TEDDM1: variants seen among roughly 807,000 people sequenced by gnomAD.
TEDDM1 encodes the protein epididymal protein 9.
For missense variants in TEDDM1, 344 were observed against 318.9 expected, an observed-to-expected ratio of 1.08 and a Z score of -0.60; for synonymous variants, 126 against 128.0, an observed-to-expected ratio of 0.98 and a Z score of 0.11.
Position 182,399,700 on chromosome 1 carries a change from C to T in TEDDM1, c.786G>A (p.Glu262=), listed in dbSNP as rs1293052190. 1 of 1,614,038 alleles carries T rather than the reference C, an allele frequency of 6.2e-7. No individual in the cohort carries two copies. Among genetic ancestry groups the T allele is most frequent in the Non-Finnish European group, 8.5e-7 (1 of 1,179,978 alleles). The change falls in exon 1 of 1, where the codon GAG becomes GAA. Residue 262 remains glutamate (E), a synonymous_variant. Transcript: ENST00000367565. ...TCTTTGGAAGGAGGAGAGCCTGGTCCTCTTTCTCTGACTGCTCCACTTCCT... is the reference window on the plus strand; with the variant it reads ...TCTTTGGAAGGAGGAGAGCCTGGTCTTCTTTCTCTGACTGCTCCACTTCCT... ...LLQEVEQSEK[E]DQALLLPKSS...
chr1:182,399,758 G>T lies in TEDDM1; in HGVS notation c.728C>A (p.Ala243Glu), dbSNP rs1377810013. 6.2e-7 allele frequency: 1 copy of T among 1,614,104 alleles called. No homozygotes were observed. Among genetic ancestry groups the T allele is most frequent in the Admixed American group, 1.7e-5 (1 of 60,016 alleles). ...CTTGTAGAGGGGTCCTGGAGTGCTTGCATAATATGGAGCTTCTTTGGGCCC... is the reference window on the plus strand; with the variant it reads ...CTTGTAGAGGGGTCCTGGAGTGCTTTCATAATATGGAGCTTCTTTGGGCCC... ...LTGPKEAPYY[A>E]STPGPLYKLL... The change falls in exon 1 of 1, where the codon GCA becomes GAA. Residue 243 changes from alanine (A) to glutamate (E), a missense_variant. Physicochemically the swap from Ala to Glu is moderately radical, Grantham distance 107 (BLOSUM62 -1). Transcript: ENST00000367565.
chr1:182,399,991 C>A lies in TEDDM1; in HGVS notation c.495G>T (p.Leu165=), dbSNP rs776969762. The A allele has an allele frequency of 6.2e-7, 1 of 1,614,160 alleles. No individual in the cohort carries two copies. The change falls in exon 1 of 1, where the codon CTG becomes CTT. Residue 165 remains leucine, a synonymous_variant. Coordinates refer to ENST00000367565, the MANE Select transcript of TEDDM1 (RefSeq NM_172000.4). The stretch of plus-strand genomic sequence containing the variant: ...CCTGCATCAGCCAGGAGCCCATCAT[C>A]AGAATCAGAAAGGTCTCCATCAGCT... ...HLQLMETFLI[L]MMGSWLMQAG... is the part of the protein sequence containing the mutation.
At position 182,399,995 on chromosome 1, in the gene TEDDM1, A is replaced by G. The variant is rs758125552; in HGVS notation, c.491T>C (p.Ile164Thr). The stretch of plus-strand genomic sequence containing the variant: ...CATCAGCCAGGAGCCCATCATCAGA[A>G]TCAGAAAGGTCTCCATCAGCTGGAG... ...CHLQLMETFL[I>T]LMMGSWLMQA... The change falls in exon 1 of 1, where the codon ATT (isoleucine) becomes ACT (threonine). Residue 164 changes from isoleucine (I) to threonine (T), a missense_variant. Transcript: ENST00000367565. 6.2e-7 allele frequency: 1 copy of G among 1,614,168 alleles called. No individual in the cohort carries two copies. Among genetic ancestry groups the G allele is most frequent in the Non-Finnish European group, 8.5e-7 (1 of 1,180,022 alleles).
rs1327639671 is a variant in TEDDM1 at position 182,399,035 on chromosome 1, A to G, written c.*629T>C. 1.3e-5 allele frequency: 2 copies of G among 152,306 alleles called. No individual in the cohort carries two copies. The highest frequency in any genetic ancestry group is 2.9e-5 in the Non-Finnish European group (2 of 68,184). The allele number at this position is 152,306 out of a possible 1,614,324, so 9.4% of individuals were successfully genotyped here. A position where few individuals can be genotyped will look rare whatever the true frequency, so the allele number is the denominator to read the frequency against. On this transcript the variant is annotated 3_prime_UTR_variant, in exon 1 of 1. Transcript: ENST00000367565. ...ACTTTGGTGAGCACGTAAAGTACCCACTTTTCTTTATCAAGATGAGATTTG... is the reference window on the plus strand; with the variant it reads ...ACTTTGGTGAGCACGTAAAGTACCCGCTTTTCTTTATCAAGATGAGATTTG...
chr1:182,399,493 C>T lies in TEDDM1; in HGVS notation c.*171G>A, dbSNP rs892103960. 5 of 596,602 alleles carry T rather than the reference C, an allele frequency of 8.4e-6. No homozygotes were observed. The highest frequency in any genetic ancestry group is 1.5e-5 in the Non-Finnish European group (5 of 343,178). The allele number at this position is 596,602 out of a possible 1,614,324, so 37.0% of individuals were successfully genotyped here. A position where few individuals can be genotyped will look rare whatever the true frequency, so the allele number is the denominator to read the frequency against. On this transcript the variant is annotated 3_prime_UTR_variant, in exon 1 of 1. Coordinates refer to ENST00000367565, the MANE Select transcript of TEDDM1 (RefSeq NM_172000.4). ...GCTGGGCAACAGAGCGAGACTCTGT[C>T]TCAAAAAAAAAAAAAAAGAAAAGAG... is the stretch of plus-strand genomic sequence containing the variant.
Position 182,398,854 on chromosome 1 carries a change from G to T in TEDDM1, c.*810C>A. ...AATTTAAATTATGGAAATTTGAAAT[G>T]TTATTAAGTATTTAAAAAGTCTCAC... On this transcript the variant is annotated 3_prime_UTR_variant, in exon 1 of 1. Coordinates refer to ENST00000367565, the MANE Select transcript of TEDDM1 (RefSeq NM_172000.4). 6.6e-6 allele frequency: 1 copy of T among 152,324 alleles called. No individual in the cohort carries two copies. Among genetic ancestry groups the T allele is most frequent in the South Asian group, 2.1e-4 (1 of 4,826 alleles). 9.4% of individuals were successfully genotyped at this position (152,324 alleles called of 1,614,324 possible). A position where few individuals can be genotyped will look rare whatever the true frequency, so the allele number is the denominator to read the frequency against.
Position 182,399,681 on chromosome 1 carries a change from G to C in TEDDM1, c.805C>G (p.Pro269Ala). The change falls in exon 1 of 1, where the codon CCA (proline) becomes GCA (alanine). Residue 269 changes from proline (P) to alanine (A), a missense_variant. Physicochemically the swap from Pro to Ala is conservative, Grantham distance 27. Coordinates refer to ENST00000367565, the MANE Select transcript of TEDDM1 (RefSeq NM_172000.4). ...GCCCTGTCTCAGGGGGAGCTCTTTG[G>C]AAGGAGGAGAGCCTGGTCCTCTTTC... is the stretch of plus-strand genomic sequence containing the variant. ...SEKEDQALLL[P>A]KSSP 1 of 1,613,760 alleles carries C rather than the reference G, an allele frequency of 6.2e-7. No individual in the cohort carries two copies. The highest frequency in any genetic ancestry group is 1.3e-5 in the African/African-American group (1 of 74,976).
chr1:182,400,161 AGAT>A lies in TEDDM1; in HGVS notation c.322_324del (p.Ile108del). 1 of 1,614,158 alleles carries A rather than the reference AGAT, an allele frequency of 6.2e-7. No homozygotes were observed. The highest frequency in any genetic ancestry group is 8.5e-7 in the Non-Finnish European group (1 of 1,180,018). ...GACACCATCAGCAGCAGGAGCTCGTAGATGATCAGGACCAGGGTACCTTTTTCT... is the reference window on the plus strand; with the variant it reads ...GACACCATCAGCAGCAGGAGCTCGTAGATCAGGACCAGGGTACCTTTTTCT... On this transcript the variant is annotated inframe_deletion, in exon 1 of 1. Transcript: ENST00000367565.
In TEDDM1 at chr1:182,400,284, C is replaced by T. The variant is rs1650664690; in HGVS notation, c.202G>A (p.Glu68Lys). The part of the protein sequence containing the change: ...QVPSRFMYPK[E>K]WQHLTMFILL... Reference sequence around the variant, plus strand: ...ATGAACATGGTGAGGTGCTGCCACTCTTTGGGGTACATGAACCTTGATGGC... The same window carrying T: ...ATGAACATGGTGAGGTGCTGCCACTTTTTGGGGTACATGAACCTTGATGGC... The change falls in exon 1 of 1, where the codon GAG becomes AAG. Residue 68 changes from glutamate (E) to lysine (K), a missense_variant. Coordinates refer to ENST00000367565, the MANE Select transcript of TEDDM1 (RefSeq NM_172000.4). The T allele has an allele frequency of 6.2e-7, 1 of 1,614,112 alleles. No homozygotes were observed. Among genetic ancestry groups the T allele is most frequent in the African/African-American group, 1.3e-5 (1 of 74,938 alleles).
At position 182,400,250 on chromosome 1, in the gene TEDDM1, G is replaced by T; in HGVS notation, c.236C>A (p.Thr79Asn). The change falls in exon 1 of 1, where the codon ACT becomes AAT. Residue 79 changes from threonine to asparagine, a missense_variant. By Grantham distance (65) the Thr-to-Asn change is moderately conservative. Transcript: ENST00000367565. ...CATGAAGTCCACACAGCCATTAAGA[G>T]TGAGGAGGATGAACATGGTGAGGTG... ...WQHLTMFILL[T>N]LNGCVDFMSK... The T allele has an allele frequency of 6.2e-7, 1 of 1,614,198 alleles. No homozygotes were observed. The highest frequency in any genetic ancestry group is 8.5e-7 in the Non-Finnish European group (1 of 1,180,044).
In TEDDM1 at chr1:182,398,758, A is replaced by G. The variant is rs6424853; in HGVS notation, c.*906T>C. Reference sequence around the variant, plus strand: ...AAGTTTGGGCTAGAATAAGAGTAATAAAATGAGAAGTCAGGGAAGTACCAA... The same window carrying G: ...AAGTTTGGGCTAGAATAAGAGTAATGAAATGAGAAGTCAGGGAAGTACCAA... On this transcript the variant is annotated 3_prime_UTR_variant, in exon 1 of 1. Coordinates refer to ENST00000367565, the MANE Select transcript of TEDDM1 (RefSeq NM_172000.4). The G allele has an allele frequency of 0.59, 90,177 of 152,146 alleles. 27,733 individuals carry two copies. The highest frequency in any genetic ancestry group is 0.83 in the East Asian group (4,303 of 5,180). The allele number at this position is 152,146 out of a possible 1,614,324, so 9.4% of individuals were successfully genotyped here.
chr1:182,400,300 C>A lies in TEDDM1; in HGVS notation c.186G>T (p.Arg62Ser), dbSNP rs1650665411. Reference sequence around the variant, plus strand: ...GCTGCCACTCTTTGGGGTACATGAACCTTGATGGCACTTGCTTCCTCATGA... The same window carrying A: ...GCTGCCACTCTTTGGGGTACATGAAACTTGATGGCACTTGCTTCCTCATGA... ...MVLMRKQVPS[R>S]FMYPKEWQHL... is the part of the protein sequence containing the mutation. The change falls in exon 1 of 1, where the codon AGG becomes AGT. Residue 62 changes from arginine to serine, a missense_variant. Transcript: ENST00000367565. The A allele has an allele frequency of 1.9e-6, 3 of 1,614,052 alleles. No homozygotes were observed. Among genetic ancestry groups the A allele is most frequent in the African/African-American group, 1.3e-5 (1 of 74,912 alleles).
rs1309586862 is a variant in TEDDM1, at chr1:182,399,339, A to AGC, written c.*324_*325insGC. ...CAGTAATTAGAGGCTCAGGGACAGA[A>AGC]AATGCACCAGCACGGGCATGGTGGC... On this transcript the variant is annotated 3_prime_UTR_variant, in exon 1 of 1. Coordinates refer to ENST00000367565, the MANE Select transcript of TEDDM1 (RefSeq NM_172000.4). 2,251 of 302,714 alleles carry AGC rather than the reference A, an allele frequency of 7.4e-3. 59 individuals carry two copies. Among genetic ancestry groups the AGC allele is most frequent in the African/African-American group, 0.045 (2,062 of 46,140 alleles). The allele number at this position is 302,714 out of a possible 1,614,324, so 18.8% of individuals were successfully genotyped here.
In TEDDM1 at chr1:182,400,323, T is replaced by C. The variant is rs1307526363; in HGVS notation, c.163A>G (p.Met55Val). 1 of 1,614,204 alleles carries C rather than the reference T, an allele frequency of 6.2e-7. No individual in the cohort carries two copies. Among genetic ancestry groups the C allele is most frequent in the South Asian group, 1.1e-5 (1 of 91,088 alleles). ...VLCLDGGMVL[M>V]RKQVPSRFMY... is the part of the protein sequence containing the mutation. The stretch of plus-strand genomic sequence containing the variant: ...AACCTTGATGGCACTTGCTTCCTCA[T>C]GAGCACCATCCCGCCATCAAGACAG... Residue 55 changes from methionine (M) to valine (V), a missense_variant, in exon 1 of 1, where the codon ATG becomes GTG. Met to Val is a conservative substitution (Grantham distance 21). Transcript: ENST00000367565.
chr1:182,400,344 G>A lies in TEDDM1; in HGVS notation c.142C>T (p.Leu48Phe), dbSNP rs1261162922. The A allele has an allele frequency of 6.2e-7, 1 of 1,614,186 alleles. No individual in the cohort carries two copies. The highest frequency in any genetic ancestry group is 1.3e-5 in the African/African-American group (1 of 75,056). ...CTCATGAGCACCATCCCGCCATCAA[G>A]ACAGAGAACCACATAAAATGTTAAG... ...SLLTFYVVLC[L>F]DGGMVLMRKQ... is the part of the protein sequence containing the mutation. The change falls in exon 1 of 1, where the codon CTT (leucine) becomes TTT (phenylalanine). Residue 48 changes from leucine (L) to phenylalanine (F), a missense_variant. Physicochemically the swap from Leu to Phe is conservative, Grantham distance 22. Transcript: ENST00000367565.
At position 182,399,506 on chromosome 1, in the gene TEDDM1, A is replaced by T; in HGVS notation, c.*158T>A. On this transcript the variant is annotated 3_prime_UTR_variant, in exon 1 of 1. Transcript: ENST00000367565. ...GCGAGACTCTGTCTCAAAAAAAAAA[A>T]AAAAGAAAAGAGAAGAAAAGAAAAT... is the stretch of plus-strand genomic sequence containing the variant. 3.2e-6 allele frequency: 2 copies of T among 629,982 alleles called. No homozygotes were observed. The highest frequency in any genetic ancestry group is 4.0e-5 in the South Asian group (2 of 49,478). 39.0% of individuals were successfully genotyped at this position (629,982 alleles called of 1,614,324 possible). A position where few individuals can be genotyped will look rare whatever the true frequency, so the allele number is the denominator to read the frequency against.
rs568079616 is a variant in TEDDM1 at position 182,400,113 on chromosome 1, C to A, written c.373G>T (p.Val125Leu). 4.3e-6 allele frequency: 7 copies of A among 1,613,982 alleles called. No individual in the cohort carries two copies. In the South Asian group the frequency reaches 7.7e-5, roughly 18 times the overall value. Residue 125 changes from valine to leucine, a missense_variant, in exon 1 of 1, where the codon GTG becomes TTG. Val to Leu is a conservative substitution (Grantham distance 32). Coordinates refer to ENST00000367565, the MANE Select transcript of TEDDM1 (RefSeq NM_172000.4). Reference protein sequence around the residue: ...MVSHVKDSEGVELHVYSLLIL... With the variant: ...MVSHVKDSEGLELHVYSLLIL... ...AGCAGAGAATAAACGTGCAGCTCCA[C>A]CCCTTCTGAATCTTTAACATGTGAC...
In TEDDM1 at chr1:182,398,454, A is replaced by G. The variant is rs1650617788; in HGVS notation, c.*1210T>C. Reference sequence around the variant, plus strand: ...AATGATTTCAGCAGCAGTATAAAAGAAAGTGGGTCACCTGTATGAGCAAAC... The same window carrying G: ...AATGATTTCAGCAGCAGTATAAAAGGAAGTGGGTCACCTGTATGAGCAAAC... On this transcript the variant is annotated 3_prime_UTR_variant, in exon 1 of 1. Coordinates refer to ENST00000367565, the MANE Select transcript of TEDDM1 (RefSeq NM_172000.4). 1 of 152,234 alleles carries G rather than the reference A, an allele frequency of 6.6e-6. No homozygotes were observed. Among genetic ancestry groups the G allele is most frequent in the African/African-American group, 2.4e-5 (1 of 41,444 alleles). 9.4% of individuals were successfully genotyped at this position (152,234 alleles called of 1,614,324 possible). A position where few individuals can be genotyped will look rare whatever the true frequency, so the allele number is the denominator to read the frequency against.
rs948839609 is a variant in TEDDM1, at chr1:182,399,411, G to T, written c.*253C>A. 3 of 471,624 alleles carry T rather than the reference G, an allele frequency of 6.4e-6. 1 individual carries two copies. Among genetic ancestry groups the T allele is most frequent in the South Asian group, 6.1e-5 (2 of 32,750 alleles). The allele number at this position is 471,624 out of a possible 1,614,324, so 29.2% of individuals were successfully genotyped here. On this transcript the variant is annotated 3_prime_UTR_variant, in exon 1 of 1. Transcript: ENST00000367565. Reference sequence around the variant, plus strand: ...CTCGGGAGGCTGAGGCAGGAGAATCGCTTGAACTCGGGAGGCGGAGGTTGC... The same window carrying T: ...CTCGGGAGGCTGAGGCAGGAGAATCTCTTGAACTCGGGAGGCGGAGGTTGC...
Sources: gnomAD v4.1 joint callset for allele counts on GRCh38, gnomAD v4.1.1 for gene constraint, MANE v1.5 for transcripts, NCBI Gene and HGNC (gene_info 2026-07-23, HGNC 2026-07-21) for gene names.